NEBL: variants seen among roughly 807,000 people sequenced by gnomAD.
The protein encoded by NEBL is nebulette, also known as LIM and SH3 protein 2.
In NEBL, 122 loss-of-function variants were observed where a neutral mutation model predicts 140.2. That is an observed-to-expected ratio of 0.87 (90% CI 0.75 to 1.01). The LOEUF (loss-of-function observed/expected upper bound fraction) is 1.01. Among genes scored for constraint, NEBL ranks in the 50% least tolerant of loss-of-function variants. NEBL has a pLI of 0.00. For missense variants in NEBL, 1,365 were observed against 1,231.3 expected (o/e 1.11, Z -1.62); for synonymous variants, 436 against 398.9 (o/e 1.09, Z -1.11).
chr10:20,955,327 G>A (rs535753326), intron 4 of NEBL, among the ~76,000 whole-genome samples: 70 of 152,328 alleles, frequency 4.6e-4, no homozygotes, highest in African/African-American at 1.6e-3. Context: ...GAAATGAGTG[G>A]TACAAATGAT....
chr10:21,015,834 T>A (rs1838534219), intron 3 of NEBL, among the ~76,000 whole-genome samples: 1 of 152,074 alleles, frequency 6.6e-6, no homozygotes, highest in South Asian at 2.1e-4. Flanking sequence ...TTTTAAGGGG[T>A]CTTTCATCTC....
At chr10:20,932,637 G>A (rs954996001) in intron 4 of NEBL, among the ~76,000 whole-genome samples, 19 of 152,202 alleles carry the variant, frequency 1.2e-4, no homozygotes, top group African/African-American at 1.9e-4. Flanking sequence ...GCTGAAAACT[G>A]CTACACATTC....
chr10:21,152,806 T>A (rs1354702627), intron 2 of NEBL, among the ~76,000 whole-genome samples: 1 of 152,230 alleles, frequency 6.6e-6, no homozygotes. Flanking sequence ...AGAAATCCAA[T>A]GACTGCATTA....
chr10:20,924,914 CAA>C (rs1406061882), intron 4 of NEBL, among the ~76,000 whole-genome samples: 12 of 152,018 alleles, frequency 7.9e-5, no homozygotes, highest in Non-Finnish European at 1.0e-4. Flanking sequence ...GAACAAAGGA[CAA>C]AGAGATGATC....
rs566753063 is a variant in NEBL at position 20,906,923 on chromosome 10, C to G, written c.357+54749G>C. On this transcript the variant is annotated intron_variant, in intron 4 of 6. Transcript: ENST00000417816. ...ATGATTATCTACTTCATACTACGCA[C>G]TACAATGAGACATGTTATATTTTTT... Among the ~76,000 whole-genome samples, 30 of 152,180 alleles carry G rather than the reference C, an allele frequency of 2.0e-4. No individual in the cohort carries two copies. In the East Asian group the frequency reaches 5.4e-3, roughly 27 times the overall value.
intron 26 of NEBL, among the ~76,000 whole-genome samples, chr10:20,791,544 C>T (rs562294730): frequency 4.6e-5 from 7 of 152,002 alleles, no homozygotes; most frequent in East Asian, 1.9e-4. Flanking sequence ...GCTGGACATA[C>T]GCCACCATGC....
At chr10:20,923,408 G>A (rs1833693710) in intron 4 of NEBL, among the ~76,000 whole-genome samples, 1 of 151,938 alleles carries the variant, frequency 6.6e-6, no homozygotes, top group African/African-American at 2.4e-5. Context: ...GCCAGGCACG[G>A]TGGCTCATGC....
Position 20,859,727 on chromosome 10 carries a change from TAGC to T in NEBL, c.781_783del (p.Ala261del), listed in dbSNP as rs1469242886. 1 of 1,590,890 alleles carries T rather than the reference TAGC, an allele frequency of 6.3e-7. No individual in the cohort carries two copies. Among genetic ancestry groups the T allele is most frequent in the South Asian group, 1.1e-5 (1 of 90,110 alleles). ...TTACAACTTACATTGCTCGCCAGTG[TAGC>T]AGCAAGCTGATTCTGCCTAAAAGAA... is the stretch of plus-strand genomic sequence containing the variant. On this transcript the variant is annotated inframe_deletion, in exon 8 of 28. Coordinates refer to ENST00000377122, the MANE Select transcript of NEBL (RefSeq NM_006393.3).
intron 2 of NEBL, among the ~76,000 whole-genome samples, chr10:21,040,019 A>G (rs953361668): frequency 3.3e-5 from 5 of 152,188 alleles, no homozygotes; most frequent in African/African-American, 9.7e-5. Context: ...TGAAATACCA[A>G]CTGTTAGTCT....
intron 2 of NEBL, among the ~76,000 whole-genome samples, chr10:20,891,927 C>T (rs1847069854): frequency 6.6e-6 from 1 of 151,930 alleles, no homozygotes; most frequent in African/African-American, 2.4e-5. Flanking sequence ...ATATTAGTAG[C>T]CTTCCTACAC....
At chr10:20,933,333 G>C (rs548144617) in intron 4 of NEBL, among the ~76,000 whole-genome samples, 1 of 152,112 alleles carries the variant, frequency 6.6e-6, no homozygotes, top group African/African-American at 2.4e-5. Context: ...CAACAAATAT[G>C]ACTCCAAAGT....
At chr10:21,104,478 T>C (rs1020416247) in intron 2 of NEBL, among the ~76,000 whole-genome samples, 6 of 152,240 alleles carry the variant, frequency 3.9e-5, no homozygotes, top group Non-Finnish European at 8.8e-5. Context: ...CAGTATTTCA[T>C]AAGTTTTGAT....
At chr10:20,990,864 T>C (rs964308760) in intron 3 of NEBL, among the ~76,000 whole-genome samples, 1 of 152,224 alleles carries the variant, frequency 6.6e-6, no homozygotes, top group African/African-American at 2.4e-5. Context: ...ATCCCTGCTC[T>C]GATTTTCTCA....
intron 1 of NEBL, among the ~76,000 whole-genome samples, chr10:21,254,965 A>G (rs552736498): frequency 1.9e-4 from 29 of 152,328 alleles, no homozygotes; most frequent in African/African-American, 6.7e-4. Flanking sequence ...GCACCTCATT[A>G]GCCACACATA....
intron 18 of NEBL, among the ~76,000 whole-genome samples, chr10:20,823,730 C>G (rs112874134): frequency 0.012 from 1,821 of 152,032 alleles, 32 homozygotes; most frequent in African/African-American, 0.04. Flanking sequence ...GGGAGCACTG[C>G]TTGTCTGACT....
At chr10:20,832,359 C>T (rs1276352841) in intron 14 of NEBL, among the ~76,000 whole-genome samples, 1 of 152,096 alleles carries the variant, frequency 6.6e-6, no homozygotes, top group African/African-American at 2.4e-5. Flanking sequence ...TTATTTGAGT[C>T]CTAGATCAAG....
At chr10:21,136,573 G>A (rs556337929) in intron 2 of NEBL, among the ~76,000 whole-genome samples, 2 of 152,244 alleles carry the variant, frequency 1.3e-5, no homozygotes, top group South Asian at 4.2e-4. Context: ...CAGGAGAGAG[G>A]TGAACTTGTC....
intron 11 of NEBL, among the ~76,000 whole-genome samples, chr10:20,846,678 G>T (rs980427842): frequency 3.9e-5 from 6 of 152,094 alleles, no homozygotes; most frequent in Non-Finnish European, 7.4e-5. Flanking sequence ...GCATCTCTAG[G>T]CTAAAAAGGA....
At chr10:20,876,940 T>A (rs1209636114) in intron 5 of NEBL, among the ~76,000 whole-genome samples, 2 of 152,236 alleles carry the variant, frequency 1.3e-5, no homozygotes, top group African/African-American at 4.8e-5. Context: ...TTCGATTGGC[T>A]GTTTTTAATC....
Sources: gnomAD v4.1 joint callset for allele counts (sites outside exome capture counted in the v4.1 genomes callset) on GRCh38, gnomAD v4.1.1 for gene constraint, MANE v1.5 for transcripts, NCBI Gene and HGNC (gene_info 2026-07-23, HGNC 2026-07-21) for gene names.